Variants in MYH15 observed in about 807,000 individuals in gnomAD.
The protein encoded by MYH15 is myosin-15.
A neutral mutation model predicts 240.5 loss-of-function variants in MYH15; 227 were observed. That is an observed-to-expected ratio of 0.94 (90% CI 0.85 to 1.05). The LOEUF is 1.05. Ranked by LOEUF, MYH15 falls within the 50% of genes least tolerant of loss-of-function variation. The pLI, the probability that MYH15 is intolerant of heterozygous loss-of-function variation, is 0.00. For missense variants in MYH15, 2,217 were observed against 2,247.5 expected, an observed-to-expected ratio of 0.99 and a Z score of 0.27; for synonymous variants, 785 against 796.7, an observed-to-expected ratio of 0.99 and a Z score of 0.25.
rs527256599 is a variant in MYH15 at position 108,499,539 on chromosome 3, A to G, written c.497-57T>C. ...TTATATTCGATATTTATGTATTAGT[A>G]TGAACTTACTCAAAATTTCCCTAGC... On this transcript the variant is annotated intron_variant, in intron 4 of 40. Transcript: ENST00000693548. 6 of 1,539,194 alleles carry G rather than the reference A, an allele frequency of 3.9e-6. No homozygotes were observed. In the South Asian group the frequency reaches 4.6e-5, roughly 12 times the overall value.
At chr3:108,484,514 T>C (rs906687063) in intron 11 of MYH15, among the ~76,000 whole-genome samples, 2 of 152,210 alleles carry the variant, frequency 1.3e-5, no homozygotes, top group African/African-American at 4.8e-5. Context: ...AGTCTCGCTC[T>C]GTCACCCAGG....
the MYH15 span, among the ~76,000 whole-genome samples, chr3:108,534,810 G>A: frequency 6.6e-6 from 1 of 152,048 alleles, no homozygotes; most frequent in Non-Finnish European, 1.5e-5. Flanking sequence ...GAGCCCAGGA[G>A]GTTGAGGCTG....
rs758822829 is a variant in MYH15 at position 108,520,739 on chromosome 3, A to C, written c.-58+8524T>G. Among the ~76,000 whole-genome samples the C allele has an allele frequency of 9.1e-4, 138 of 152,148 alleles. 1 individual carries two copies. The highest frequency in any genetic ancestry group is 7.5e-4 in the Non-Finnish European group (51 of 68,014). ...TTTTGGAGTCTTGGGCTCTAGTGCT[A>C]TCTCTCCAGTGATTTGGAGCAATTA... On this transcript the variant is annotated intron_variant, in intron 1 of 41. Transcript: ENST00000273353.
chr3:108,482,659 G>A (rs1276478830), intron 11 of MYH15, among the ~76,000 whole-genome samples: 5 of 152,146 alleles, frequency 3.3e-5, no homozygotes, highest in African/African-American at 1.2e-4. Context: ...ATTCACATCT[G>A]TGCTGTGTCC....
chr3:108,502,827 C>G (rs2083448325), intron 2 of MYH15, among the ~76,000 whole-genome samples: 1 of 152,130 alleles, frequency 6.6e-6, no homozygotes, highest in Non-Finnish European at 1.5e-5. Flanking sequence ...ATTGTTCTAA[C>G]AGTAATCCCT....
intron 16 of MYH15, among the ~76,000 whole-genome samples, chr3:108,462,720 T>C (rs1297988725): frequency 2.6e-5 from 4 of 152,092 alleles, no homozygotes; most frequent in African/African-American, 9.7e-5. Flanking sequence ...CTAATAACCC[T>C]AAGTGCACAG....
At chr3:108,499,373 G>T in intron 5 of MYH15, 82 bp downstream of exon 5, 1 of 1,399,714 alleles carries the variant, frequency 7.1e-7, no homozygotes, top group Non-Finnish European at 1.0e-6. Flanking sequence ...GCGAATCAAA[G>T]TTTTATTCCC....
At chr3:108,507,258 T>C (rs1025244957) in intron 1 of MYH15, among the ~76,000 whole-genome samples, 6 of 56,904 alleles carry the variant, frequency 1.1e-4, no homozygotes, top group Admixed American at 4.1e-4. Flanking sequence ...TATATATATA[T>C]ATATATATAT....
intron 31 of MYH15, 93 bp downstream of exon 31, chr3:108,410,490 G>T: frequency 1.2e-6 from 1 of 829,076 alleles, no homozygotes; most frequent in African/African-American, 1.7e-5. Flanking sequence ...AACATGTTGG[G>T]AATGTGAAAA....
intron 38 of MYH15, among the ~76,000 whole-genome samples, chr3:108,387,839 T>G (rs140620578): frequency 2.7e-4 from 41 of 152,348 alleles, no homozygotes; most frequent in Non-Finnish European, 5.3e-4. Flanking sequence ...ATAAAAGAGC[T>G]GTGCAAGTAG....
At position 108,383,644 on chromosome 3, in the gene MYH15, T is replaced by A; in HGVS notation, c.5717A>T (p.Glu1906Val). ...NEVKERAEVA[E>V]SQVNKLKIKA... ...AATTTTGAGTTTATTGACTTGAGAT[T>A]CTGCCACCTCTGCCCTTTCCTTCAC... is the stretch of plus-strand genomic sequence containing the variant. The change falls in exon 40 of 41, where the codon GAA (glutamate) becomes GTA (valine). Residue 1906 changes from glutamate to valine, a missense_variant. Physicochemically the swap from Glu to Val is moderately radical, Grantham distance 121. Transcript: ENST00000693548. 1 of 1,613,414 alleles carries A rather than the reference T, an allele frequency of 6.2e-7. No individual in the cohort carries two copies. Among genetic ancestry groups the A allele is most frequent in the African/African-American group, 1.3e-5 (1 of 75,014 alleles).
chr3:108,396,498 G>C (rs1358065415), intron 35 of MYH15, among the ~76,000 whole-genome samples: 1 of 152,172 alleles, frequency 6.6e-6, no homozygotes, highest in East Asian at 1.9e-4. Context: ...GATCTGACAG[G>C]AGGCAAAGCT....
chr3:108,499,316 T>C, intron 5 of MYH15, 139 bp downstream of exon 5: 2 of 870,474 alleles, frequency 2.3e-6, no homozygotes, highest in Admixed American at 2.5e-5. Context: ...AGTATCTTTT[T>C]CTTACCTCAA....
rs1277861151 is a variant in MYH15 at position 108,395,798 on chromosome 3, C to G, written c.5134-1642G>C. On this transcript the variant is annotated intron_variant, in intron 35 of 40. Transcript: ENST00000693548. ...GGAGATCTGGAAATGCAGGAGGTAG[C>G]TAAGAAGGCTCCCTAAAAGGTTCAG... Among the ~76,000 whole-genome samples, 6 of 152,166 alleles carry G rather than the reference C, an allele frequency of 3.9e-5. No individual in the cohort carries two copies. The South Asian group carries it at 6.2e-4, about 16-fold the overall frequency.
At chr3:108,383,352 A>G (rs1200978286) in intron 40 of MYH15, among the ~76,000 whole-genome samples, 1 of 152,194 alleles carries the variant, frequency 6.6e-6, no homozygotes, top group African/African-American at 2.4e-5. Context: ...GCAAGTTAAC[A>G]TGGAAGTAAG....
intron 30 of MYH15, among the ~76,000 whole-genome samples, chr3:108,412,225 G>T (rs1241161723): frequency 6.6e-6 from 1 of 152,168 alleles, no homozygotes; most frequent in Non-Finnish European, 1.5e-5. Context: ...CTAGTGGGAG[G>T]TAATTTAATC....
intron 33 of MYH15, 127 bp from the exon 34 acceptor site, chr3:108,399,394 A>G (rs1206672109): frequency 2.6e-6 from 2 of 782,978 alleles, no homozygotes; most frequent in Non-Finnish European, 4.0e-6. Context: ...TAAGTAACTA[A>G]CAAAATGAGT....
chr3:108,507,685 A>G lies in MYH15; in HGVS notation c.89-1856T>C, dbSNP rs2083489149. 2.0e-5 allele frequency among the ~76,000 whole-genome samples: 3 copies of G among 152,160 alleles called. No individual in the cohort carries two copies. In the South Asian group the frequency reaches 6.2e-4, roughly 32 times the overall value. On this transcript the variant is annotated intron_variant, in intron 1 of 40. Coordinates refer to ENST00000693548, the MANE Select transcript of MYH15 (RefSeq NM_014981.3). ...CTGCCTTCTTCGTTTCCCTGATTAC[A>G]AACAATTCACCACTAAAACTGCTTG...
At chr3:108,434,051 A>T (rs1362933722) in intron 25 of MYH15, among the ~76,000 whole-genome samples, 1 of 151,716 alleles carries the variant, frequency 6.6e-6, no homozygotes, top group Admixed American at 6.6e-5. Context: ...TAACAACTTG[A>T]TTGATATTAA....
Sources: gnomAD v4.1 joint callset for allele counts (sites outside exome capture counted in the v4.1 genomes callset) on GRCh38, gnomAD v4.1.1 for gene constraint, MANE v1.5 for transcripts, NCBI Gene and HGNC (gene_info 2026-07-23, HGNC 2026-07-21) for gene names.